PLCH1: variants seen among roughly 807,000 people sequenced by gnomAD.
The protein encoded by PLCH1 is 1-phosphatidylinositol 4,5-bisphosphate phosphodiesterase eta-1.
PLCH1 carries 60 observed loss-of-function variants against 126.7 expected under a neutral mutation model. That is an observed-to-expected ratio of 0.47 (90% CI 0.38 to 0.59). The LOEUF (loss-of-function observed/expected upper bound fraction) is 0.59. Ranked by LOEUF, PLCH1 falls within the 20% of genes least tolerant of loss-of-function variation. The pLI is 0.00. For missense variants in PLCH1, 1,723 were observed against 2,040.0 expected (o/e 0.84, Z 2.99); for synonymous variants, 719 against 734.9 (o/e 0.98, Z 0.35).
At chr3:155,626,589 G>A (rs931717179) in intron 2 of PLCH1, among the ~76,000 whole-genome samples, 4 of 151,832 alleles carry the variant, frequency 2.6e-5, no homozygotes, top group African/African-American at 7.3e-5. Flanking sequence ...CTAAAACGGT[G>A]AGACCCCATC....
At chr3:155,569,533 T>C (rs1473804525) in intron 6 of PLCH1, among the ~76,000 whole-genome samples, 3 of 152,034 alleles carry the variant, frequency 2.0e-5, no homozygotes, top group Non-Finnish European at 2.9e-5. Flanking sequence ...TAGGGGCCCA[T>C]ATTACCAGAA....
rs545703467 is a variant in PLCH1 at position 155,498,787 on chromosome 3, T to G, written c.1797-1370A>C. 2.1e-4 allele frequency among the ~76,000 whole-genome samples: 32 copies of G among 152,306 alleles called. No individual in the cohort carries two copies. The South Asian group carries it at 6.6e-3, about 32-fold the overall frequency. ...TAGTGCTGTTTTTATCTTAGATATT[T>G]TAATAGTTTTCTCTCTCCTACAAAC... On this transcript the variant is annotated intron_variant, in intron 14 of 22. Coordinates refer to ENST00000460012, the MANE Select transcript of PLCH1 (RefSeq NM_014996.4).
chr3:155,734,784 C>T (rs868508452), intron 1 of PLCH1, among the ~76,000 whole-genome samples: 1 of 151,226 alleles, frequency 6.6e-6, no homozygotes, highest in Non-Finnish European at 1.5e-5. Context: ...TCTCGGCTCA[C>T]TGCAACCTCC....
At chr3:155,732,836 C>CA (rs1177101881) in intron 1 of PLCH1, among the ~76,000 whole-genome samples, 2 of 143,196 alleles carry the variant, frequency 1.4e-5, no homozygotes, top group African/African-American at 5.2e-5. Flanking sequence ...TGAGATTGTA[C>CA]CACTGCACTC....
chr3:155,594,496 C>A (rs1202679573), intron 3 of PLCH1, among the ~76,000 whole-genome samples: 1 of 151,998 alleles, frequency 6.6e-6, no homozygotes, highest in African/African-American at 2.4e-5. Context: ...TTGCTCGAAC[C>A]TGGGAGGCGG....
chr3:155,607,244 A>T (rs548341146), intron 2 of PLCH1, among the ~76,000 whole-genome samples: 2 of 152,236 alleles, frequency 1.3e-5, no homozygotes, highest in African/African-American at 4.8e-5. Context: ...GCAAATAAAA[A>T]ATGTATTACT....
intron 10 of PLCH1, among the ~76,000 whole-genome samples, chr3:155,547,395 T>C (rs1576980400): frequency 1.5e-5 from 2 of 135,872 alleles, no homozygotes; most frequent in African/African-American, 5.3e-5. Context: ...AAACAACAGG[T>C]GCTGGAGAGG....
Position 155,568,219 on chromosome 3 carries a change from T to G in PLCH1, c.865+12A>C, listed in dbSNP as rs779908842. 2 of 1,117,378 alleles carry G rather than the reference T, an allele frequency of 1.8e-6. No homozygotes were observed. Among genetic ancestry groups the G allele is most frequent in the Admixed American group, 3.7e-5 (2 of 53,546 alleles). The allele number at this position is 1,117,378 out of a possible 1,614,324, so 69.2% of individuals were successfully genotyped here. ...TCAAGAAATGAGAAATAAAGAATAT[T>G]GGTTATTTTACCTTCTATGCCAAGA... On this transcript the variant is annotated intron_variant, in intron 7 of 22. Transcript: ENST00000460012.
Position 155,500,810 on chromosome 3 carries a change from A to G in PLCH1, c.1705-16T>C. The G allele has an allele frequency of 2.6e-6, 4 of 1,511,192 alleles. No homozygotes were observed. In the Middle Eastern group the frequency reaches 5.1e-4, roughly 193 times the overall value. The allele number at this position is 1,511,192 out of a possible 1,614,324, so 93.6% of individuals were successfully genotyped here. On this transcript the variant is annotated splice_polypyrimidine_tract_variant and intron_variant, in intron 13 of 22. Coordinates refer to ENST00000460012, the MANE Select transcript of PLCH1 (RefSeq NM_014996.4). ...TTGTAGTTTTCTGCCAGAAAAATCA[A>G]AACAAACTTAACAAACTCATTGTAT... is the stretch of plus-strand genomic sequence containing the variant.
chr3:155,581,509 T>C (rs931776094), intron 6 of PLCH1, among the ~76,000 whole-genome samples: 1 of 152,178 alleles, frequency 6.6e-6, no homozygotes, highest in Admixed American at 6.5e-5. Flanking sequence ...CATGAATGAA[T>C]CTTGAAAACA....
At chr3:155,527,835 G>A (rs1044888309) in intron 10 of PLCH1, among the ~76,000 whole-genome samples, 5 of 150,422 alleles carry the variant, frequency 3.3e-5, no homozygotes, top group African/African-American at 4.9e-5. Flanking sequence ...CAGGAGAATC[G>A]CTTGAACCTG....
chr3:155,503,056 C>A (rs949483099), intron 13 of PLCH1, among the ~76,000 whole-genome samples: 3 of 152,166 alleles, frequency 2.0e-5, no homozygotes, highest in African/African-American at 4.8e-5. Context: ...CCAGAAGACA[C>A]CAGATTAGTG....
chr3:155,649,707 G>A (rs578160295), intron 2 of PLCH1, among the ~76,000 whole-genome samples: 10 of 152,252 alleles, frequency 6.6e-5, no homozygotes, highest in African/African-American at 2.2e-4. Context: ...GGCCGGGCGC[G>A]GTGGCTCACA....
chr3:155,683,035 A>C (rs747752240), intron 2 of PLCH1, among the ~76,000 whole-genome samples: 1 of 152,238 alleles, frequency 6.6e-6, no homozygotes, highest in East Asian at 1.9e-4. Context: ...ACACTTGTCA[A>C]ATAAACCAGT....
chr3:155,475,292 T>C (rs1053309478), downstream of PLCH1, among the ~76,000 whole-genome samples: 5 of 151,904 alleles, frequency 3.3e-5, no homozygotes, highest in Non-Finnish European at 7.4e-5. Flanking sequence ...AAATATAACT[T>C]ACCAAAACCT....
chr3:155,547,562 A>G (rs1234522330), intron 10 of PLCH1, among the ~76,000 whole-genome samples: 2 of 151,920 alleles, frequency 1.3e-5, no homozygotes, highest in South Asian at 2.1e-4. Context: ...ACGACTATAA[A>G]TCATGCTGCT....
rs1455012153 is a variant in PLCH1, at chr3:155,511,387, G to A, written c.1632+3336C>T. 2.1e-4 allele frequency among the ~76,000 whole-genome samples: 25 copies of A among 118,858 alleles called. 2 individuals are homozygous for A. Among genetic ancestry groups the A allele is most frequent in the Admixed American group, 1.2e-3 (16 of 13,308 alleles). 78.0% of individuals were successfully genotyped at this position (118,858 alleles called of 152,430 possible). ...ATCATTCTCCATCCAGCTTTGTTCC[G>A]TTGCTGGTGAGGAACTGTGTTCCTT... On this transcript the variant is annotated intron_variant, in intron 12 of 22. Transcript: ENST00000460012.
chr3:155,484,945 T>C (rs1365649654), intron 22 of PLCH1, among the ~76,000 whole-genome samples: 6 of 152,376 alleles, frequency 3.9e-5, no homozygotes, highest in African/African-American at 1.2e-4. Context: ...CTGGCTTTCT[T>C]TCTCCATAAA....
chr3:155,521,843 G>A (rs1049633729), intron 11 of PLCH1, among the ~76,000 whole-genome samples: 1 of 152,154 alleles, frequency 6.6e-6, no homozygotes, highest in South Asian at 2.1e-4. Flanking sequence ...ACAAAGAGAT[G>A]CCTATAAACA....
Sources: gnomAD v4.1 joint callset for allele counts (sites outside exome capture counted in the v4.1 genomes callset) on GRCh38, gnomAD v4.1.1 for gene constraint, MANE v1.5 for transcripts, NCBI Gene and HGNC (gene_info 2026-07-23, HGNC 2026-07-21) for gene names.